The following LTBP3 variants were observed in gnomAD, a reference collection of about 807,000 sequenced individuals.
LTBP3 encodes latent-transforming growth factor beta-binding protein 3.
Under a neutral mutation model 159.7 loss-of-function variants are expected in LTBP3, and 97 were observed. The observed-to-expected ratio is 0.61, with a 90% CI of 0.52 to 0.72. The LOEUF is 0.72. LTBP3 is among the 30% of genes least tolerant of loss of function. The pLI, the probability that LTBP3 is intolerant of heterozygous loss-of-function variation, is 0.00. For missense variants in LTBP3, 1,584 were observed against 1,864.3 expected, an observed-to-expected ratio of 0.85 and a Z score of 2.77; for synonymous variants, 824 against 777.1, an observed-to-expected ratio of 1.06 and a Z score of -1.00.
Position 65,538,730 on chromosome 11 carries a change from C to T in LTBP3, c.*350G>A, listed in dbSNP as rs1473601873. The stretch of plus-strand genomic sequence containing the variant: ...CCCCTTGTGCCGGGCTCAGTCTAGC[C>T]CCTGGGAGGCGGCTGGGGTCTGGCG... On this transcript the variant is annotated 3_prime_UTR_variant, in exon 28 of 28. Transcript: ENST00000301873. 19 of 1,056,930 alleles carry T rather than the reference C, an allele frequency of 1.8e-5. No individual in the cohort carries two copies. In the South Asian group the frequency reaches 1.9e-4, roughly 10 times the overall value. 65.5% of individuals were successfully genotyped at this position (1,056,930 alleles called of 1,614,324 possible).
intron 21 of LTBP3, 89 bp from the exon 22 acceptor site, chr11:65,540,703 C>A (rs984230420): frequency 8.0e-7 from 1 of 1,243,482 alleles, no homozygotes; most frequent in Non-Finnish European, 1.1e-6. Context: ...AAGCCATCCC[C>A]GGGCGGGGCC....
rs752783790 is a variant in LTBP3 at position 65,551,374 on chromosome 11, G to A, written c.1621+28C>T. Reference sequence around the variant, plus strand: ...GCCCACCCAGTGATTTAGCCCTTGAGGACTCATCCCTACAGTGCCCAGCTC... The same window carrying A: ...GCCCACCCAGTGATTTAGCCCTTGAAGACTCATCCCTACAGTGCCCAGCTC... On this transcript the variant is annotated intron_variant, in intron 10 of 27. Transcript: ENST00000301873. 2.4e-5 allele frequency: 39 copies of A among 1,609,506 alleles called. No individual in the cohort carries two copies. The South Asian group carries it at 4.1e-4, about 17-fold the overall frequency.
chr11:65,543,347 G>A (rs1590765630), intron 17 of LTBP3, 80 bp downstream of exon 17: 1 of 1,612,218 alleles, frequency 6.2e-7, no homozygotes, highest in African/African-American at 1.3e-5. Context: ...ACTGAGATCT[G>A]GATTAGGACT....
Position 65,553,584 on chromosome 11 carries a change from TG to T in LTBP3, c.865-55del. The T allele has an allele frequency of 6.7e-7, 1 of 1,500,672 alleles. No individual in the cohort carries two copies. Among genetic ancestry groups the T allele is most frequent in the Non-Finnish European group, 9.2e-7 (1 of 1,090,300 alleles). The allele number at this position is 1,500,672 out of a possible 1,614,324, so 93.0% of individuals were successfully genotyped here. A position where few individuals can be genotyped will look rare whatever the true frequency, so the allele number is the denominator to read the frequency against. On this transcript the variant is annotated intron_variant, in intron 3 of 27. Coordinates refer to ENST00000301873, the MANE Select transcript of LTBP3 (RefSeq NM_001130144.3). This position sits in a 1 kb window ranked among gnomAD's most constrained non-coding sequence, Gnocchi z 6.5. ...CAGAGCACCCCGCCCCGGTGCCGCCTGTTAGGGTTGGGCCTTTTCCTCTTCC... is the reference window on the plus strand; with the variant it reads ...CAGAGCACCCCGCCCCGGTGCCGCCTTTAGGGTTGGGCCTTTTCCTCTTCC...
chr11:65,546,717 A>ACCCCG lies in LTBP3; in HGVS notation c.2230+76_2230+80dup, dbSNP rs1319692934. The stretch of plus-strand genomic sequence containing the variant: ...CCCCCAGACGCCAATCACCACCGCT[A>ACCCCG]CCCCGCCCCGCCCCCAGCGGAGCCA... On this transcript the variant is annotated intron_variant, in intron 15 of 27. Transcript: ENST00000301873. The surrounding 1 kb of genome is among the most constrained non-coding windows in gnomAD (Gnocchi z 4.0). 16 of 1,519,172 alleles carry ACCCCG rather than the reference A, an allele frequency of 1.1e-5. No homozygotes were observed. In the African/African-American group the frequency reaches 1.9e-4, roughly 18 times the overall value. The allele number at this position is 1,519,172 out of a possible 1,614,324, so 94.1% of individuals were successfully genotyped here.
chr11:65,549,845 C>T (rs1418344472), intron 11 of LTBP3, among the ~76,000 whole-genome samples: 2 of 150,748 alleles, frequency 1.3e-5, no homozygotes, highest in Admixed American at 1.3e-4. Context: ...CACTTGAGCC[C>T]AGGAGGTCAA....
intron 22 of LTBP3, 48 bp from the exon 23 acceptor site, chr11:65,540,430 G>A (rs1475305351): frequency 1.9e-6 from 3 of 1,609,100 alleles, no homozygotes; most frequent in Non-Finnish European, 2.5e-6. Flanking sequence ...CGGGATGGGC[G>A]CGGTGGCGCG....
At chr11:65,542,895 T>C in intron 18 of LTBP3, 1 of 649,912 alleles carries the variant, frequency 1.5e-6, no homozygotes, top group South Asian at 1.7e-5. Context: ...GATGGGTGGG[T>C]GAGTGGAAGG....
Position 65,543,565 on chromosome 11 carries a change from G to C in LTBP3, c.2354-16C>G, listed in dbSNP as rs546509555. On this transcript the variant is annotated splice_polypyrimidine_tract_variant and intron_variant, in intron 16 of 27. Coordinates refer to ENST00000301873, the MANE Select transcript of LTBP3 (RefSeq NM_001130144.3). ...TCGTCCACATCTGCAGGGCATAGGG[G>C]GTGTCAGAGGACCAGGCTGGGTGGT... 2 of 1,613,932 alleles carry C rather than the reference G, an allele frequency of 1.2e-6. No individual in the cohort carries two copies. The highest frequency in any genetic ancestry group is 3.3e-5 in the Admixed American group (2 of 59,998).
In LTBP3 at chr11:65,552,557, C is replaced by T; in HGVS notation, c.1187-151G>A. 9.9e-7 allele frequency: 1 copy of T among 1,013,062 alleles called. No homozygotes were observed. Among genetic ancestry groups the T allele is most frequent in the Non-Finnish European group, 1.5e-6 (1 of 688,814 alleles). 62.8% of individuals were successfully genotyped at this position (1,013,062 alleles called of 1,614,324 possible). On this transcript the variant is annotated intron_variant, in intron 6 of 27. Transcript: ENST00000301873. The surrounding 1 kb of genome is among the most constrained non-coding windows in gnomAD (Gnocchi z 6.0). ...CCATATGACCCTGAACTCATGTGACCCCTGAAACTTATGTGACCACTGACC... is the reference window on the plus strand; with the variant it reads ...CCATATGACCCTGAACTCATGTGACTCCTGAAACTTATGTGACCACTGACC...
At chr11:65,557,346 C>T (rs1856845913) in intron 1 of LTBP3, among the ~76,000 whole-genome samples, 1 of 152,134 alleles carries the variant, frequency 6.6e-6, no homozygotes, top group Non-Finnish European at 1.5e-5. Flanking sequence ...GAACTCAGCA[C>T]CTTCTGGGAA....
chr11:65,550,086 G>A (rs900023270), intron 11 of LTBP3, among the ~76,000 whole-genome samples: 1 of 151,982 alleles, frequency 6.6e-6, no homozygotes, highest in African/African-American at 2.4e-5. Context: ...TCAATAAGCA[G>A]AATCTCCTAT....
Position 65,547,348 on chromosome 11 carries a change from G to A in LTBP3, c.2107+91C>T, listed in dbSNP as rs113023306. The A allele has an allele frequency of 0.029, 22,882 of 802,212 alleles. 7 individuals carry two copies. Among genetic ancestry groups the A allele is most frequent in the African/African-American group, 0.041 (860 of 21,110 alleles). The allele number at this position is 802,212 out of a possible 1,614,324, so 49.7% of individuals were successfully genotyped here. On this transcript the variant is annotated intron_variant, in intron 14 of 27. Transcript: ENST00000301873. This position sits in a 1 kb window ranked among gnomAD's most constrained non-coding sequence, Gnocchi z 4.6. The stretch of plus-strand genomic sequence containing the variant: ...GACAGAGTGAGACTCCGTCTCGGGG[G>A]AAAAAAAAAAAAATGCAGGCACCCC...
chr11:65,538,789 G>A lies in LTBP3; in HGVS notation c.*291C>T. On this transcript the variant is annotated 3_prime_UTR_variant, in exon 28 of 28. Coordinates refer to ENST00000301873, the MANE Select transcript of LTBP3 (RefSeq NM_001130144.3). ...CGCAGCCCGCGCCCACGTCAGACGT[G>A]AACATCAATTTGCTTCGAAAGCCAA... is the stretch of plus-strand genomic sequence containing the variant. 1 of 818,144 alleles carries A rather than the reference G, an allele frequency of 1.2e-6. No individual in the cohort carries two copies. The highest frequency in any genetic ancestry group is 1.8e-6 in the Non-Finnish European group (1 of 554,196). The allele number at this position is 818,144 out of a possible 1,614,324, so 50.7% of individuals were successfully genotyped here.
At position 65,546,777 on chromosome 11, in the gene LTBP3, G is replaced by A; in HGVS notation, c.2230+21C>T. On this transcript the variant is annotated intron_variant, in intron 15 of 27. Transcript: ENST00000301873. The surrounding 1 kb of genome is among the most constrained non-coding windows in gnomAD (Gnocchi z 4.0). ...AGGCACCTGACGGCCCCACCCACTC[G>A]GCTCCGGGCCCCGCCCTCACCGCGA... is the stretch of plus-strand genomic sequence containing the variant. 5 of 1,547,522 alleles carry A rather than the reference G, an allele frequency of 3.2e-6. No homozygotes were observed. The highest frequency in any genetic ancestry group is 2.6e-6 in the Non-Finnish European group (3 of 1,148,950).
At chr11:65,551,633 G>T in intron 8 of LTBP3, 69 bp from the exon 9 acceptor site, 2 of 1,594,490 alleles carry the variant, frequency 1.3e-6, no homozygotes, top group Non-Finnish European at 1.7e-6. Context: ...GGGATCAGCA[G>T]CTGAGTATTT....
chr11:65,553,434 G>A lies in LTBP3; in HGVS notation c.961C>T (p.Gln321Ter). 1.2e-6 allele frequency: 2 copies of A among 1,611,988 alleles called. No individual in the cohort carries two copies. The highest frequency in any genetic ancestry group is 2.2e-5 in the East Asian group (1 of 44,888). The change falls in exon 4 of 28, where the codon CAG becomes TAG. Residue 321 changes from glutamine (Q) to a stop codon, truncating the protein, a stop_gained. Transcript: ENST00000301873. LOFTEE classifies it high-confidence loss of function. This position sits in a 1 kb window ranked among gnomAD's most constrained non-coding sequence, Gnocchi z 6.5. ...GAGCCCAAGCACTCACACTGCAGCTGGGGACACTTGTGGCACTTGCTCTGG... is the reference window on the plus strand; with the variant it reads ...GAGCCCAAGCACTCACACTGCAGCTAGGGACACTTGTGGCACTTGCTCTGG... ...WGQSKCHKCPQLQYTGVQKPG... is the reference protein window; with the variant it reads ...WGQSKCHKCP
Position 65,554,671 on chromosome 11 carries a change from G to C in LTBP3, c.332-291C>G, listed in dbSNP as rs1193416984. 6.6e-6 allele frequency among the ~76,000 whole-genome samples: 1 copy of C among 152,074 alleles called. No individual in the cohort carries two copies. The highest frequency in any genetic ancestry group is 1.5e-5 in the Non-Finnish European group (1 of 68,008). On this transcript the variant is annotated intron_variant, in intron 1 of 27. Coordinates refer to ENST00000301873, the MANE Select transcript of LTBP3 (RefSeq NM_001130144.3). The surrounding 1 kb of genome is among the most constrained non-coding windows in gnomAD (Gnocchi z 5.3). ...CGTCCTCATCTGTAGAGATGTGTGG[G>C]TTAGATGAGGTAAGGGCTGTACAAA...
At position 65,538,911 on chromosome 11, in the gene LTBP3, A is replaced by T. The variant is rs1855895072; in HGVS notation, c.*169T>A. 5.6e-6 allele frequency: 7 copies of T among 1,254,702 alleles called. No homozygotes were observed. The East Asian group carries it at 2.2e-4, about 39-fold the overall frequency. The allele number at this position is 1,254,702 out of a possible 1,614,324, so 77.7% of individuals were successfully genotyped here. Reference sequence around the variant, plus strand: ...CCGGAGACCTTACAACCGCCCGCTAACCGGGGAGGGGGGCCGGTAGGGGCG... The same window carrying T: ...CCGGAGACCTTACAACCGCCCGCTATCCGGGGAGGGGGGCCGGTAGGGGCG... On this transcript the variant is annotated 3_prime_UTR_variant, in exon 28 of 28. Transcript: ENST00000301873.
Sources: gnomAD v4.1 joint callset for allele counts (sites outside exome capture counted in the v4.1 genomes callset) on GRCh38, gnomAD v4.1.1 for gene constraint, Gnocchi (gnomAD v3.1) non-coding constraint, MANE v1.5 for transcripts, NCBI Gene and HGNC (gene_info 2026-07-23, HGNC 2026-07-21) for gene names.